KCNMA1: variants seen among roughly 807,000 people sequenced by gnomAD.
The protein encoded by KCNMA1 is potassium calcium-activated channel subfamily M alpha 1.
A neutral mutation model predicts 140.0 loss-of-function variants in KCNMA1; 29 were observed. The ratio of observed to expected loss-of-function variants is 0.21; its 90% CI spans 0.15 to 0.28. The LOEUF is 0.28. Ranked by LOEUF, KCNMA1 falls within the 10% of genes least tolerant of loss-of-function variation. The probability of loss-of-function intolerance (pLI) is 1.00; values close to 1 mark genes in which losing one functional copy is unlikely to be tolerated. For synonymous variants in KCNMA1, 612 were observed against 611.9 expected (o/e 1.00, Z 0.00); for missense variants, 880 against 1,602.2 (o/e 0.55, Z 7.70).
intron 5 of KCNMA1, among the ~76,000 whole-genome samples, 166 bp downstream of exon 5, chr10:77,183,255 C>A (rs1243110151): frequency 6.6e-6 from 1 of 152,162 alleles, no homozygotes; most frequent in African/African-American, 2.4e-5. Flanking sequence ...GGCTAGTGCT[C>A]CAAAGAGAGC....
At chr10:76,878,108 C>T (rs893493414) in intron 29 of KCNMA1, among the ~76,000 whole-genome samples, 3 of 152,092 alleles carry the variant, frequency 2.0e-5, no homozygotes, top group Admixed American at 2.0e-4. Context: ...CAAAATGTGC[C>T]ACTGGGACTC....
chr10:77,057,748 A>T (rs928827528), intron 14 of KCNMA1, among the ~76,000 whole-genome samples: 1 of 151,884 alleles, frequency 6.6e-6, no homozygotes, highest in Non-Finnish European at 1.5e-5. Flanking sequence ...TATATAAAGA[A>T]GTATAAGAAA....
At chr10:77,077,036 A>G (rs1265441232) in intron 13 of KCNMA1, among the ~76,000 whole-genome samples, 1 of 152,198 alleles carries the variant, frequency 6.6e-6, no homozygotes, top group Non-Finnish European at 1.5e-5. Flanking sequence ...AAAAGTGCCA[A>G]GAAAGGCAGA....
intron 1 of KCNMA1, among the ~76,000 whole-genome samples, chr10:77,601,032 A>C (rs1051409354): frequency 8.5e-5 from 13 of 152,186 alleles, no homozygotes; most frequent in Admixed American, 2.0e-4. Context: ...GAGCAAAGTC[A>C]ATTTTCTCAT....
chr10:77,125,830 C>T (rs1383228523), intron 5 of KCNMA1, among the ~76,000 whole-genome samples: 6 of 152,246 alleles, frequency 3.9e-5, no homozygotes, highest in African/African-American at 1.4e-4. Context: ...AATTAGACGG[C>T]GGAGTTAAAG....
chr10:77,384,419 T>C (rs2095533254), intron 2 of KCNMA1, among the ~76,000 whole-genome samples: 1 of 152,246 alleles, frequency 6.6e-6, no homozygotes, highest in African/African-American at 2.4e-5. Flanking sequence ...CTCGGATCAT[T>C]GGTGGCTGAC....
At chr10:77,191,484 G>A (rs1421071475) in intron 3 of KCNMA1, among the ~76,000 whole-genome samples, 1 of 152,096 alleles carries the variant, frequency 6.6e-6, no homozygotes, top group Non-Finnish European at 1.5e-5. Flanking sequence ...TCTTATCAGA[G>A]CTGTGTACCT....
At position 77,634,277 on chromosome 10, in the gene KCNMA1, C is replaced by A. The variant is rs1010047750; in HGVS notation, c.378+2988G>T. ...ATGTGAAAAAGTACAGCAAAGAACA[C>A]AGTACTGGAATGACTGTGACCAAGT... On this transcript the variant is annotated intron_variant, in intron 1 of 27. Coordinates refer to ENST00000286628, the MANE Select transcript of KCNMA1 (RefSeq NM_001161352.2). 9 of 985,424 alleles carry A rather than the reference C, an allele frequency of 9.1e-6. No individual in the cohort carries two copies. The African/African-American group carries it at 1.0e-4, about 11-fold the overall frequency. 61.0% of individuals were successfully genotyped at this position (985,424 alleles called of 1,614,324 possible).
intron 1 of KCNMA1, among the ~76,000 whole-genome samples, chr10:77,442,951 G>A (rs989040591): frequency 2.0e-5 from 3 of 152,176 alleles, no homozygotes; most frequent in Admixed American, 1.3e-4. Flanking sequence ...CTGGCTCAGG[G>A]TCCCTCACTC....
intron 12 of KCNMA1, among the ~76,000 whole-genome samples, chr10:77,083,526 G>A (rs61866981): frequency 6.7e-6 from 1 of 149,556 alleles, no homozygotes; most frequent in South Asian, 2.1e-4. Flanking sequence ...AAAAAAAAGG[G>A]AGGGCAGGGC....
At chr10:77,582,157 G>T (rs2076065217) in intron 1 of KCNMA1, among the ~76,000 whole-genome samples, 1 of 152,200 alleles carries the variant, frequency 6.6e-6, no homozygotes, top group African/African-American at 2.4e-5. Flanking sequence ...TGTCCCCGAA[G>T]GTCAACGACA....
At chr10:77,442,905 C>A (rs930536993) in intron 1 of KCNMA1, among the ~76,000 whole-genome samples, 3 of 152,206 alleles carry the variant, frequency 2.0e-5, no homozygotes, top group African/African-American at 7.2e-5. Context: ...TGTCTGACAC[C>A]TGCTGTTTAA....
At chr10:77,490,735 T>C (rs966656830) in intron 1 of KCNMA1, among the ~76,000 whole-genome samples, 8 of 152,230 alleles carry the variant, frequency 5.3e-5, no homozygotes, top group African/African-American at 1.4e-4. Flanking sequence ...TCTATTTACA[T>C]ACAGCTCTCA....
At chr10:76,889,613 G>T in intron 26 of KCNMA1, 44 bp from the exon 27 acceptor site, 1 of 1,461,440 alleles carries the variant, frequency 6.8e-7, no homozygotes, top group Non-Finnish European at 9.6e-7. Context: ...CTTTTTATTT[G>T]CCTGAAAATC....
At chr10:77,615,584 G>A (rs1332005573) in intron 1 of KCNMA1, among the ~76,000 whole-genome samples, 1 of 152,188 alleles carries the variant, frequency 6.6e-6, no homozygotes, top group East Asian at 1.9e-4. Context: ...TCGCCCCTGA[G>A]TTAACCCTTT....
intron 2 of KCNMA1, among the ~76,000 whole-genome samples, chr10:77,384,031 G>A (rs1419298957): frequency 1.3e-5 from 2 of 152,230 alleles, no homozygotes; most frequent in Non-Finnish European, 1.5e-5. Context: ...GCTCTCTGGG[G>A]CAGTTTGCGA....
chr10:77,488,073 A>G (rs530631926), intron 1 of KCNMA1, among the ~76,000 whole-genome samples: 91 of 152,248 alleles, frequency 6.0e-4, no homozygotes, highest in African/African-American at 2.0e-3. Flanking sequence ...ATTAATAAGC[A>G]CCCATGCAGC....
At chr10:77,120,870 T>C (rs991994954) in intron 6 of KCNMA1, 103 bp downstream of exon 6, 3 of 732,340 alleles carry the variant, frequency 4.1e-6, no homozygotes, top group African/African-American at 3.5e-5. Context: ...CTGTGAATAA[T>C]ATAACTATTA....
intron 14 of KCNMA1, among the ~76,000 whole-genome samples, chr10:77,072,257 C>T (rs1225311335): frequency 6.6e-6 from 1 of 152,224 alleles, no homozygotes; most frequent in African/African-American, 2.4e-5. Flanking sequence ...ACCCGTTTTA[C>T]ACACGGGTTT....
Sources: allele counts gnomAD v4.1 joint callset (sites outside exome capture counted in the v4.1 genomes callset), GRCh38; gene constraint gnomAD v4.1.1; transcripts MANE v1.5; gene names NCBI Gene and HGNC (gene_info 2026-07-23, HGNC 2026-07-21).